MAN1A2: variants seen among roughly 807,000 people sequenced by gnomAD.
MAN1A2 encodes the protein mannosidase alpha class 1A member 2.
A neutral mutation model predicts 75.7 loss-of-function variants in MAN1A2; 26 were observed. That is an observed-to-expected ratio of 0.34 (90% CI 0.25 to 0.48). The LOEUF (loss-of-function observed/expected upper bound fraction) is 0.48, where lower values mean the gene tolerates loss of function less well. MAN1A2 is among the 20% of genes least tolerant of loss of function. The pLI is 0.99. For synonymous variants in MAN1A2, 247 were observed against 264.6 expected, an observed-to-expected ratio of 0.93 and a Z score of 0.65; for missense variants, 562 against 775.5, an observed-to-expected ratio of 0.72 and a Z score of 3.27.
chr1:117,385,497 T>C (rs757471370), intron 1 of MAN1A2, among the ~76,000 whole-genome samples: 1 of 152,030 alleles, frequency 6.6e-6, no homozygotes, highest in Non-Finnish European at 1.5e-5. Flanking sequence ...TAACTTGGAG[T>C]GTTAATCATA....
rs555886161 is a variant in MAN1A2, at chr1:117,508,962, A to G, written c.1793+5992A>G. 8.6e-5 allele frequency among the ~76,000 whole-genome samples: 13 copies of G among 151,862 alleles called. No individual in the cohort carries two copies. In the South Asian group the frequency reaches 2.7e-3, roughly 32 times the overall value. ...GGCTGGATCACTGCTAAGTACCAAAACTAAGTTTCTATAGAGCAAAGCTTT... is the reference window on the plus strand; with the variant it reads ...GGCTGGATCACTGCTAAGTACCAAAGCTAAGTTTCTATAGAGCAAAGCTTT... On this transcript the variant is annotated intron_variant, in intron 12 of 12. Coordinates refer to ENST00000356554, the MANE Select transcript of MAN1A2 (RefSeq NM_006699.5).
chr1:117,496,699 A>G (rs1651045061), intron 9 of MAN1A2, 64 bp from the exon 10 acceptor site: 10 of 1,168,152 alleles, frequency 8.6e-6, no homozygotes, highest in Admixed American at 7.5e-5. Flanking sequence ...GGCCAGAAGG[A>G]TATAGTAAGT....
chr1:117,484,048 C>A (rs1313517629), intron 8 of MAN1A2, among the ~76,000 whole-genome samples: 1 of 151,838 alleles, frequency 6.6e-6, no homozygotes, highest in African/African-American at 2.4e-5. Context: ...GAGTCACCAA[C>A]CCCTTGTGTA....
chr1:117,449,257 T>C (rs1557955345), intron 6 of MAN1A2, among the ~76,000 whole-genome samples: 1 of 152,104 alleles, frequency 6.6e-6, no homozygotes, highest in African/African-American at 2.4e-5. Flanking sequence ...TCTCTCACTT[T>C]AAATTAAAAG....
chr1:117,410,232 A>G (rs1433627800), intron 3 of MAN1A2, among the ~76,000 whole-genome samples: 1 of 152,002 alleles, frequency 6.6e-6, no homozygotes, highest in Non-Finnish European at 1.5e-5. Context: ...ATATTACATT[A>G]TGACTAAGTG....
intron 12 of MAN1A2, chr1:117,514,890 A>C (rs750924269): frequency 4.5e-5 from 24 of 533,138 alleles, no homozygotes; most frequent in African/African-American, 4.0e-4. Flanking sequence ...CAGCTGGATG[A>C]AAAGAGTAGC....
intron 5 of MAN1A2, among the ~76,000 whole-genome samples, chr1:117,433,635 G>T (rs188355233): frequency 2.0e-5 from 3 of 152,188 alleles, no homozygotes; most frequent in South Asian, 2.1e-4. Context: ...CAGTCATATT[G>T]TCTGCAAATA....
At chr1:117,477,434 C>T (rs560269150) in intron 8 of MAN1A2, among the ~76,000 whole-genome samples, 1 of 151,982 alleles carries the variant, frequency 6.6e-6, no homozygotes, top group Non-Finnish European at 1.5e-5. Context: ...AAAAATTTAT[C>T]CACCATGATC....
intron 8 of MAN1A2, among the ~76,000 whole-genome samples, chr1:117,474,125 T>A (rs1379536744): frequency 6.6e-6 from 1 of 152,012 alleles, no homozygotes; most frequent in Non-Finnish European, 1.5e-5. Flanking sequence ...CTTGAATGGT[T>A]GGACAAGTGG....
At chr1:117,433,386 A>G (rs1222336493) in intron 5 of MAN1A2, among the ~76,000 whole-genome samples, 1 of 152,150 alleles carries the variant, frequency 6.6e-6, no homozygotes, top group African/African-American at 2.4e-5. Context: ...AAAGGTAATT[A>G]TTATTTTTCA....
chr1:117,412,845 A>G (rs1647868199), intron 3 of MAN1A2, among the ~76,000 whole-genome samples: 1 of 151,874 alleles, frequency 6.6e-6, no homozygotes, highest in Non-Finnish European at 1.5e-5. Context: ...GCAACTAACC[A>G]AGACTGGTAC....
At chr1:117,429,997 T>C (rs1570737299) in intron 5 of MAN1A2, among the ~76,000 whole-genome samples, 1 of 46,974 alleles carries the variant, frequency 2.1e-5, no homozygotes, top group Admixed American at 1.8e-4. Flanking sequence ...CCCCCCCACC[T>C]CCCTCCCGGA....
chr1:117,491,154 A>G (rs1225571688), intron 8 of MAN1A2, among the ~76,000 whole-genome samples: 1 of 152,106 alleles, frequency 6.6e-6, no homozygotes, highest in Non-Finnish European at 1.5e-5. Flanking sequence ...AGGCAGCTAC[A>G]CTAAACAACA....
At chr1:117,397,567 T>G (rs745830957) in intron 1 of MAN1A2, among the ~76,000 whole-genome samples, 10 of 151,942 alleles carry the variant, frequency 6.6e-5, no homozygotes, top group Non-Finnish European at 1.5e-4. Flanking sequence ...ACCTTGTCAT[T>G]AATTTTAATA....
Position 117,402,420 on chromosome 1 carries a change from G to T in MAN1A2, c.537G>T (p.Glu179Asp). The change falls in exon 2 of 13, where the codon GAG (glutamate) becomes GAT (aspartate). Residue 179 changes from glutamate to aspartate, a missense_variant. Coordinates refer to ENST00000356554, the MANE Select transcript of MAN1A2 (RefSeq NM_006699.5). ...GGDPEDNDIR[E>D]KREKIKEMMK... ...ACCCAGAAGATAATGACATAAGAGAGAAAAGGGAAAAAATTAAAGAGGTAA... is the reference window on the plus strand; with the variant it reads ...ACCCAGAAGATAATGACATAAGAGATAAAAGGGAAAAAATTAAAGAGGTAA... The T allele has an allele frequency of 6.3e-7, 1 of 1,592,788 alleles. No homozygotes were observed. The highest frequency in any genetic ancestry group is 1.2e-5 in the South Asian group (1 of 86,264).
intron 1 of MAN1A2, among the ~76,000 whole-genome samples, chr1:117,373,617 A>G (rs1392146984): frequency 6.6e-6 from 1 of 151,520 alleles, no homozygotes; most frequent in Non-Finnish European, 1.5e-5. Flanking sequence ...AGCTGAAACT[A>G]TGGGCATGAG....
At chr1:117,381,281 A>T (rs1454582711) in intron 1 of MAN1A2, among the ~76,000 whole-genome samples, 6 of 151,972 alleles carry the variant, frequency 3.9e-5, no homozygotes, top group Non-Finnish European at 8.8e-5. Context: ...GGTGTGCTGC[A>T]CCCATTAACT....
intron 11 of MAN1A2, among the ~76,000 whole-genome samples, 194 bp from the exon 12 acceptor site, chr1:117,502,661 G>A (rs559728784): frequency 6.6e-6 from 1 of 151,712 alleles, no homozygotes; most frequent in South Asian, 2.1e-4. Context: ...AAGTTCTATA[G>A]GAAACATCCT....
chr1:117,484,574 C>T (rs1650612888), intron 8 of MAN1A2, among the ~76,000 whole-genome samples: 1 of 151,944 alleles, frequency 6.6e-6, no homozygotes, highest in African/African-American at 2.4e-5. Flanking sequence ...ATTAGTGTCA[C>T]AAGTTGTTTT....
Sources: allele counts gnomAD v4.1 joint callset (sites outside exome capture counted in the v4.1 genomes callset), GRCh38; gene constraint gnomAD v4.1.1; transcripts MANE v1.5; gene names NCBI Gene and HGNC (gene_info 2026-07-23, HGNC 2026-07-21).